SLC24A2: variants seen among roughly 807,000 people sequenced by gnomAD.
SLC24A2 encodes the protein solute carrier family 24 member 2, also known as sodium/potassium/calcium exchanger 2.
In SLC24A2, 36 loss-of-function variants were observed where a neutral mutation model predicts 62.0. The ratio of observed to expected loss-of-function variants is 0.58; its 90% confidence interval spans 0.44 to 0.77. The LOEUF is 0.77. SLC24A2 is among the 30% of genes least tolerant of loss of function. SLC24A2 has a pLI of 0.00. For missense variants in SLC24A2, 846 were observed against 817.9 expected (o/e 1.03, Z -0.42); for synonymous variants, 358 against 294.0 (o/e 1.22, Z -2.23).
At chr9:20,293,433 G>A in the SLC24A2 span, among the ~76,000 whole-genome samples, 4 of 152,126 alleles carry the variant, frequency 2.6e-5, no homozygotes, top group Admixed American at 1.3e-4. Context: ...TGGTGTCATT[G>A]TAGGGAACCC....
chr9:19,947,322 C>G, the SLC24A2 span, among the ~76,000 whole-genome samples: 1 of 150,686 alleles, frequency 6.6e-6, no homozygotes, highest in Non-Finnish European at 1.5e-5. Context: ...CAGGTTTATC[C>G]AAAAGTAGGC....
intron 2 of SLC24A2, among the ~76,000 whole-genome samples, chr9:19,766,999 G>A (rs1376686906): frequency 6.6e-6 from 1 of 152,210 alleles, no homozygotes; most frequent in East Asian, 1.9e-4. Context: ...GCCCAGAGAG[G>A]AGTAATATAG....
the SLC24A2 span, among the ~76,000 whole-genome samples, chr9:20,091,435 T>C: frequency 6.6e-6 from 1 of 151,982 alleles, no homozygotes; most frequent in Admixed American, 6.5e-5. Flanking sequence ...GAAAGAATAT[T>C]AAAGGCAGCT....
chr9:20,087,335 T>G, the SLC24A2 span, among the ~76,000 whole-genome samples: 18 of 152,290 alleles, frequency 1.2e-4, no homozygotes, highest in African/African-American at 4.3e-4. Context: ...AATGTTTACA[T>G]AAGAATAGAT....
the SLC24A2 span, among the ~76,000 whole-genome samples, chr9:19,801,813 C>G: frequency 1.3e-5 from 2 of 152,132 alleles, no homozygotes; most frequent in African/African-American, 2.4e-5. Context: ...AGTGCTGTCT[C>G]TCAGTATTAG....
At chr9:19,517,634 G>A (rs529576374) in intron 10 of SLC24A2, among the ~76,000 whole-genome samples, 3 of 152,190 alleles carry the variant, frequency 2.0e-5, no homozygotes, top group Middle Eastern at 3.4e-3. Context: ...GATCAATACC[G>A]GCACTTTGCC....
At chr9:20,299,409 G>A in the SLC24A2 span, among the ~76,000 whole-genome samples, 1 of 152,210 alleles carries the variant, frequency 6.6e-6, no homozygotes, top group African/African-American at 2.4e-5. Context: ...TGGATTGACA[G>A]GCTCTGGAAT....
At chr9:19,801,904 AGAGG>A in the SLC24A2 span, among the ~76,000 whole-genome samples, 2 of 152,208 alleles carry the variant, frequency 1.3e-5, no homozygotes, top group Non-Finnish European at 2.9e-5. Flanking sequence ...AGACTGCAGT[AGAGG>A]TCGTCCTTTA....
chr9:19,529,137 T>A (rs935261881), intron 8 of SLC24A2, among the ~76,000 whole-genome samples: 4 of 152,178 alleles, frequency 2.6e-5, no homozygotes, highest in African/African-American at 9.7e-5. Context: ...AAACACTTTA[T>A]TTGAAAGCTT....
chr9:20,054,773 A>G, the SLC24A2 span, among the ~76,000 whole-genome samples: 2 of 152,142 alleles, frequency 1.3e-5, no homozygotes, highest in Non-Finnish European at 2.9e-5. Flanking sequence ...GACTAATACA[A>G]CTCTAACATG....
chr9:20,087,145 A>C, the SLC24A2 span, among the ~76,000 whole-genome samples: 1 of 152,192 alleles, frequency 6.6e-6, no homozygotes, highest in African/African-American at 2.4e-5. Flanking sequence ...TAGTCTGAGG[A>C]TTGGAAGTTA....
At chr9:19,951,782 T>A in the SLC24A2 span, among the ~76,000 whole-genome samples, 2 of 152,266 alleles carry the variant, frequency 1.3e-5, no homozygotes, top group African/African-American at 4.8e-5. Context: ...CCTCCAAACT[T>A]AGTCTTTCAC....
the SLC24A2 span, among the ~76,000 whole-genome samples, chr9:19,794,646 C>G: frequency 1.3e-5 from 2 of 151,236 alleles, no homozygotes; most frequent in Non-Finnish European, 2.9e-5. Context: ...GAAGTGGGGT[C>G]TGTCCATTTC....
chr9:20,197,429 T>C, the SLC24A2 span, among the ~76,000 whole-genome samples: 14 of 138,206 alleles, frequency 1.0e-4, no homozygotes, highest in Non-Finnish European at 1.9e-4. Context: ...CTCTCTCTCT[T>C]TTTTTTTTTT....
At chr9:19,997,739 T>C in the SLC24A2 span, among the ~76,000 whole-genome samples, 1 of 152,238 alleles carries the variant, frequency 6.6e-6, no homozygotes, top group Non-Finnish European at 1.5e-5. Context: ...GATTCAGCTC[T>C]GTTGAGATCT....
the SLC24A2 span, among the ~76,000 whole-genome samples, chr9:20,200,696 C>T: frequency 1.3e-5 from 2 of 152,170 alleles, no homozygotes; most frequent in East Asian, 1.9e-4. Flanking sequence ...TTATTAGCTT[C>T]ATGGTAAATT....
At chr9:19,798,443 A>G in the SLC24A2 span, among the ~76,000 whole-genome samples, 3 of 152,194 alleles carry the variant, frequency 2.0e-5, no homozygotes, top group African/African-American at 4.8e-5. Context: ...AGATTTTCTT[A>G]CTTGTACAAT....
intron 2 of SLC24A2, among the ~76,000 whole-genome samples, chr9:19,673,178 C>A (rs1819466585): frequency 6.8e-6 from 1 of 146,266 alleles, no homozygotes; most frequent in South Asian, 2.1e-4. Context: ...TATCTCATTT[C>A]TTAGGTCTAG....
At chr9:20,074,808 T>A in the SLC24A2 span, among the ~76,000 whole-genome samples, 4 of 152,128 alleles carry the variant, frequency 2.6e-5, no homozygotes, top group Non-Finnish European at 4.4e-5. Context: ...TTTTCTAACA[T>A]TCTAAATTAT....
Sources: gnomAD v4.1 joint callset for allele counts (sites outside exome capture counted in the v4.1 genomes callset) on GRCh38, gnomAD v4.1.1 for gene constraint, MANE v1.5 for transcripts, NCBI Gene and HGNC (gene_info 2026-07-23, HGNC 2026-07-21) for gene names.